Variants in ADAMTSL1 observed in about 807,000 individuals in gnomAD.
ADAMTSL1 encodes ADAMTS-like protein 1.
ADAMTSL1 carries 126 observed loss-of-function variants against 201.8 expected under a neutral mutation model. The observed-to-expected ratio is 0.62, with a 90% CI of 0.54 to 0.72. The LOEUF is 0.72. ADAMTSL1 is among the 30% of genes least tolerant of loss of function. The pLI is 0.00. For missense variants in ADAMTSL1, 2,679 were observed against 2,277.8 expected (o/e 1.18, Z -3.59); for synonymous variants, 1,121 against 903.4 (o/e 1.24, Z -4.32).
intron 9 of ADAMTSL1, 91 bp downstream of exon 9, chr9:18,662,164 T>C: frequency 6.8e-7 from 1 of 1,471,476 alleles, no homozygotes; most frequent in Non-Finnish European, 9.2e-7. Flanking sequence ...TAATTAAAAA[T>C]AAAATGAAAT....
intron 23 of ADAMTSL1, among the ~76,000 whole-genome samples, chr9:18,875,763 C>A (rs984179773): frequency 3.9e-5 from 6 of 152,056 alleles, no homozygotes; most frequent in African/African-American, 1.4e-4. Context: ...TCTGTTAAAT[C>A]CATTTGTTCT....
At chr9:18,542,552 G>C (rs1047424217) in intron 3 of ADAMTSL1, among the ~76,000 whole-genome samples, 9 of 152,226 alleles carry the variant, frequency 5.9e-5, no homozygotes, top group Admixed American at 2.0e-4. Flanking sequence ...AAGATATTAG[G>C]ATGCAGACAC....
chr9:18,757,815 C>T (rs1054455527), intron 16 of ADAMTSL1, among the ~76,000 whole-genome samples: 2 of 152,160 alleles, frequency 1.3e-5, no homozygotes, highest in Non-Finnish European at 2.9e-5. Context: ...CCATAACTCC[C>T]AGGACACATC....
At chr9:18,287,811 A>G (rs1833078630) in intron 2 of ADAMTSL1, among the ~76,000 whole-genome samples, 1 of 146,204 alleles carries the variant, frequency 6.8e-6, no homozygotes, top group Non-Finnish European at 1.5e-5. Context: ...ACAGAACCAT[A>G]GTGGAACACT....
chr9:18,368,483 T>G (rs992640680), intron 2 of ADAMTSL1, among the ~76,000 whole-genome samples: 5 of 152,276 alleles, frequency 3.3e-5, no homozygotes, highest in East Asian at 1.9e-4. Flanking sequence ...CATATTTTAT[T>G]TAGACAGATT....
At chr9:18,291,061 G>A (rs1202514632) in intron 2 of ADAMTSL1, among the ~76,000 whole-genome samples, 5 of 152,122 alleles carry the variant, frequency 3.3e-5, no homozygotes, top group Non-Finnish European at 5.9e-5. Context: ...GATTACAGGC[G>A]TGAGCCACCG....
intron 14 of ADAMTSL1, among the ~76,000 whole-genome samples, chr9:18,714,844 C>T (rs999307171): frequency 6.6e-6 from 1 of 151,424 alleles, no homozygotes; most frequent in Non-Finnish European, 1.5e-5. Context: ...ATGCAAAAAT[C>T]CTCAGTAAAA....
At chr9:18,387,268 C>G (rs1400835963) in intron 2 of ADAMTSL1, among the ~76,000 whole-genome samples, 1 of 151,964 alleles carries the variant, frequency 6.6e-6, no homozygotes, top group South Asian at 2.1e-4. Context: ...AATAGTCATA[C>G]ACAATAGTCA....
At chr9:18,316,277 C>A (rs186451601) in intron 2 of ADAMTSL1, among the ~76,000 whole-genome samples, 3 of 152,068 alleles carry the variant, frequency 2.0e-5, no homozygotes, top group African/African-American at 7.2e-5. Context: ...CTGATAACAT[C>A]TTATCAGGAG....
intron 1 of ADAMTSL1, among the ~76,000 whole-genome samples, chr9:18,083,966 G>C (rs566003357): frequency 2.2e-4 from 33 of 152,230 alleles, no homozygotes; most frequent in African/African-American, 7.2e-4. Flanking sequence ...AGTGAGTAAA[G>C]ATGAAATAAA....
At chr9:17,933,365 T>A (rs978843732) in intron 1 of ADAMTSL1, among the ~76,000 whole-genome samples, 1 of 152,174 alleles carries the variant, frequency 6.6e-6, no homozygotes, top group African/African-American at 2.4e-5. Context: ...TAATCCAAGA[T>A]AATCTCCTCA....
At chr9:18,293,214 T>C (rs900447935) in intron 2 of ADAMTSL1, among the ~76,000 whole-genome samples, 3 of 152,248 alleles carry the variant, frequency 2.0e-5, no homozygotes, top group African/African-American at 7.2e-5. Context: ...TGAATGGTGC[T>C]ACAGTGAACA....
chr9:18,650,507 A>G (rs1006749831), intron 7 of ADAMTSL1, among the ~76,000 whole-genome samples: 1 of 152,102 alleles, frequency 6.6e-6, no homozygotes, highest in Non-Finnish European at 1.5e-5. Context: ...AGTTGTAGAC[A>G]GGAGCTGTTC....
intron 5 of ADAMTSL1, 174 bp downstream of exon 5, chr9:18,622,543 G>A: frequency 1.1e-6 from 1 of 939,778 alleles, no homozygotes; most frequent in Non-Finnish European, 1.6e-6. Flanking sequence ...GGACAAGTCA[G>A]GTTACCAGCT....
chr9:18,585,732 A>C (rs947527331), intron 4 of ADAMTSL1, among the ~76,000 whole-genome samples: 1 of 151,924 alleles, frequency 6.6e-6, no homozygotes, highest in Admixed American at 6.5e-5. Flanking sequence ...CCAATTTAGC[A>C]TCACTTCAAA....
At chr9:18,120,811 G>A (rs963018732) in intron 1 of ADAMTSL1, among the ~76,000 whole-genome samples, 1 of 152,130 alleles carries the variant, frequency 6.6e-6, no homozygotes, top group African/African-American at 2.4e-5. Flanking sequence ...TTTTAGTCAT[G>A]TAATTTAATA....
At position 18,555,186 on chromosome 9, in the gene ADAMTSL1, T is replaced by C. The variant is rs181457193; in HGVS notation, c.238-18844T>C. ...CATTACGAGCAGATATTCATCTTCT[T>C]CCACAACTTGCCGTTCATAGACTTT... is the stretch of plus-strand genomic sequence containing the variant. On this transcript the variant is annotated intron_variant, in intron 3 of 28. Coordinates refer to ENST00000380548, the MANE Select transcript of ADAMTSL1 (RefSeq NM_001040272.6). 1.7e-4 allele frequency among the ~76,000 whole-genome samples: 26 copies of C among 151,984 alleles called. No homozygotes were observed. The East Asian group carries it at 4.3e-3, about 25-fold the overall frequency.
intron 4 of ADAMTSL1, among the ~76,000 whole-genome samples, chr9:18,621,999 C>T (rs1442789680): frequency 1.3e-5 from 2 of 152,146 alleles, no homozygotes; most frequent in African/African-American, 4.8e-5. Flanking sequence ...CCTATTCTCT[C>T]TCATTCTCTT....
chr9:18,660,872 A>C (rs1355240408), intron 8 of ADAMTSL1, among the ~76,000 whole-genome samples: 1 of 152,136 alleles, frequency 6.6e-6, no homozygotes, highest in Non-Finnish European at 1.5e-5. Context: ...CACAGCCTTA[A>C]GCCAGGAAAT....
Sources: gnomAD v4.1 joint callset for allele counts (sites outside exome capture counted in the v4.1 genomes callset) on GRCh38, gnomAD v4.1.1 for gene constraint, MANE v1.5 for transcripts, NCBI Gene and HGNC (gene_info 2026-07-23, HGNC 2026-07-21) for gene names.